The following TRIM54 variants were observed in gnomAD, a reference collection of about 807,000 sequenced individuals.
TRIM54 encodes the protein tripartite motif containing 54, also known as tripartite motif-containing protein 54.
TRIM54 carries 40 observed loss-of-function variants against 42.0 expected under a neutral mutation model. The ratio of observed to expected loss-of-function variants is 0.95; its 90% CI spans 0.74 to 1.24. TRIM54 has a LOEUF of 1.24. Ranked by LOEUF, TRIM54 falls within the 50% of genes most tolerant of loss-of-function variation. The pLI is 0.00. For synonymous variants in TRIM54, 199 were observed against 194.9 expected (o/e 1.02, Z -0.17); for missense variants, 485 against 480.3 (o/e 1.01, Z -0.09).
chr2:27,288,731 A>G (rs1475027493), intron 1 of TRIM54, among the ~76,000 whole-genome samples: 2 of 152,220 alleles, frequency 1.3e-5, no homozygotes, highest in East Asian at 1.9e-4. Flanking sequence ...TCCGTTTTAC[A>G]GAAGAGAACA....
intron 1 of TRIM54, among the ~76,000 whole-genome samples, chr2:27,290,502 C>T (rs1326561039): frequency 2.0e-5 from 3 of 152,096 alleles, no homozygotes; most frequent in Non-Finnish European, 4.4e-5. Flanking sequence ...CCCGTCTCTA[C>T]TAAAAATCAA....
At chr2:27,288,593 G>A (rs1678639495) in intron 1 of TRIM54, among the ~76,000 whole-genome samples, 1 of 152,188 alleles carries the variant, frequency 6.6e-6, no homozygotes, top group Admixed American at 6.5e-5. Flanking sequence ...GTGGTTCTGT[G>A]TGGTCATTTC....
chr2:27,302,343 C>A (rs566611962), intron 3 of TRIM54, among the ~76,000 whole-genome samples: 3 of 150,064 alleles, frequency 2.0e-5, no homozygotes, highest in African/African-American at 7.4e-5. Context: ...CCCAGCTACT[C>A]GGGAGGCTGA....
intron 1 of TRIM54, among the ~76,000 whole-genome samples, chr2:27,285,194 T>G (rs1035050383): frequency 3.9e-5 from 6 of 152,214 alleles, no homozygotes; most frequent in African/African-American, 1.4e-4. Flanking sequence ...GTTCTTCAGC[T>G]GCACTTAGAT....
In TRIM54 at chr2:27,306,469, G is replaced by A; in HGVS notation, c.1005G>A (p.Glu335=). ...CCTTGGGCTCAGGCGCTTCCGGGGA[G>A]GAAGAGGAGGTGGCCCCAGACGGAG... ...TIDFQPGASG[E]EEEVAPDGEE... The change falls in exon 8 of 9, where the codon GAG becomes GAA. Residue 335 remains glutamate (E), a synonymous_variant. Transcript: ENST00000380075. This position sits in a 1 kb window ranked among gnomAD's most constrained non-coding sequence, Gnocchi z 6.1. 6.3e-7 allele frequency: 1 copy of A among 1,594,092 alleles called. No individual in the cohort carries two copies. The highest frequency in any genetic ancestry group is 1.1e-5 in the South Asian group (1 of 89,024).
chr2:27,306,176 T>C lies in TRIM54; in HGVS notation c.867-37T>C, dbSNP rs1226657675. ...TGGCTGGGGTGGGGCTTGAGAGTGC[T>C]GGGGCATTGCCAGCTGAGTCCGTGT... On this transcript the variant is annotated intron_variant, in intron 6 of 8. Coordinates refer to ENST00000380075, the MANE Select transcript of TRIM54 (RefSeq NM_187841.3). This position sits in a 1 kb window ranked among gnomAD's most constrained non-coding sequence, Gnocchi z 6.1. 1 of 1,613,888 alleles carries C rather than the reference T, an allele frequency of 6.2e-7. No individual in the cohort carries two copies. The highest frequency in any genetic ancestry group is 8.5e-7 in the Non-Finnish European group (1 of 1,179,998).
At position 27,282,681 on chromosome 2, in the gene TRIM54, A is replaced by G. The variant is rs769682787; in HGVS notation, c.-51A>G. On this transcript the variant is annotated 5_prime_UTR_variant, in exon 1 of 9. Coordinates refer to ENST00000380075, the MANE Select transcript of TRIM54 (RefSeq NM_187841.3). ...TCTAAGCGAGGAAGGGTCTACAGGC[A>G]GTGAGTGAAGGCCAGGAGCAGGGCC... 3.2e-6 allele frequency: 5 copies of G among 1,568,588 alleles called. No homozygotes were observed. The East Asian group carries it at 1.1e-4, about 36-fold the overall frequency.
At chr2:27,287,077 G>A (rs1408877910) in intron 1 of TRIM54, among the ~76,000 whole-genome samples, 1 of 152,212 alleles carries the variant, frequency 6.6e-6, no homozygotes, top group Non-Finnish European at 1.5e-5. Context: ...CGAAAACCTA[G>A]ACTAAGGCTT....
intron 1 of TRIM54, among the ~76,000 whole-genome samples, chr2:27,283,763 G>GGCACACACGCACGCGCGC (rs1302528330): frequency 1.3e-4 from 14 of 103,838 alleles, no homozygotes; most frequent in Middle Eastern, 5.1e-3. Context: ...GAGGGGCAAA[G>GGCACACACGCACGCGCGC]GCACACACAC....
In TRIM54 at chr2:27,298,604, CTG is replaced by C; in HGVS notation, c.210_211del (p.Ser71PhefsTer13). The stretch of plus-strand genomic sequence containing the variant: ...CTATGGCAGTCCCGGGGCTCCACCA[CTG>C]TGTCTTCAGGAGGCCGTTTCCGCTG... On this transcript the variant is annotated frameshift_variant, in exon 2 of 9. Coordinates refer to ENST00000380075, the MANE Select transcript of TRIM54 (RefSeq NM_187841.3). LOFTEE classifies it high-confidence loss of function. The C allele has an allele frequency of 6.2e-7, 1 of 1,614,168 alleles. No individual in the cohort carries two copies. Among genetic ancestry groups the C allele is most frequent in the Non-Finnish European group, 8.5e-7 (1 of 1,180,016 alleles).
At chr2:27,283,226 A>G (rs1678437626) in intron 1 of TRIM54, among the ~76,000 whole-genome samples, 2 of 152,236 alleles carry the variant, frequency 1.3e-5, no homozygotes, top group South Asian at 4.1e-4. Flanking sequence ...CAGACTCTGC[A>G]TTCCAGTTTG....
rs1572526752 is a variant in TRIM54, at chr2:27,299,417, G to T, written c.513+1G>T. 1.2e-6 allele frequency: 2 copies of T among 1,613,284 alleles called. No homozygotes were observed. The highest frequency in any genetic ancestry group is 1.7e-6 in the Non-Finnish European group (2 of 1,179,702). ...GCCCACCATTTACAAACGCCAGAAG[G>T]TATCAAACAGGGGAGGGAGTAGATA... On this transcript the variant is annotated splice_donor_variant, in intron 3 of 8. Coordinates refer to ENST00000380075, the MANE Select transcript of TRIM54 (RefSeq NM_187841.3). LOFTEE classifies it high-confidence loss of function.
In TRIM54 at chr2:27,300,791, G is replaced by A. The variant is rs557856414; in HGVS notation, c.513+1375G>A. On this transcript the variant is annotated intron_variant, in intron 3 of 8. Transcript: ENST00000380075. Reference sequence around the variant, plus strand: ...TGAGGTGGGAGGATCACTTGAGCCCGGGAGGTTGAGGCTGCAGTGAGCCAT... The same window carrying A: ...TGAGGTGGGAGGATCACTTGAGCCCAGGAGGTTGAGGCTGCAGTGAGCCAT... 4.5e-4 allele frequency among the ~76,000 whole-genome samples: 69 copies of A among 152,148 alleles called. No individual in the cohort carries two copies. In the East Asian group the frequency reaches 4.8e-3, roughly 11 times the overall value.
At chr2:27,301,881 C>T (rs573991383) in intron 3 of TRIM54, among the ~76,000 whole-genome samples, 2 of 152,252 alleles carry the variant, frequency 1.3e-5, no homozygotes, top group African/African-American at 4.8e-5. Context: ...GCAGGCCGGG[C>T]GGTGGCTCAC....
chr2:27,301,056 C>T (rs989181022), intron 3 of TRIM54, among the ~76,000 whole-genome samples: 2 of 151,070 alleles, frequency 1.3e-5, no homozygotes, highest in Admixed American at 1.3e-4. Flanking sequence ...AAAGTGAAAG[C>T]AAGTTTATTA....
At chr2:27,284,026 A>G (rs1678487251) in intron 1 of TRIM54, among the ~76,000 whole-genome samples, 1 of 152,092 alleles carries the variant, frequency 6.6e-6, no homozygotes, top group African/African-American at 2.4e-5. Context: ...CCAGCTACTC[A>G]GGAGGCTGAG....
At chr2:27,295,857 A>C (rs572517465) in intron 1 of TRIM54, among the ~76,000 whole-genome samples, 13 of 152,344 alleles carry the variant, frequency 8.5e-5, no homozygotes, top group African/African-American at 2.9e-4. Flanking sequence ...TGGGTTCTAA[A>C]TATTGAAAAG....
intron 1 of TRIM54, among the ~76,000 whole-genome samples, chr2:27,291,956 G>C (rs1197851016): frequency 3.3e-5 from 5 of 152,156 alleles, no homozygotes; most frequent in African/African-American, 1.2e-4. Context: ...TGGGAAAGCA[G>C]AGGTGCAGCC....
rs905076442 is a variant in TRIM54 at position 27,299,122 on chromosome 2, G to A, written c.342-123G>A. On this transcript the variant is annotated intron_variant, in intron 2 of 8. Transcript: ENST00000380075. ...CAGAGCTCTGTGGAAGTACTCACCA[G>A]TTCAGCCACAGCACTAGCTGCAGGG... The A allele has an allele frequency of 2.6e-5, 29 of 1,132,382 alleles. No individual in the cohort carries two copies. The African/African-American group carries it at 4.1e-4, about 16-fold the overall frequency. The allele number at this position is 1,132,382 out of a possible 1,614,324, so 70.1% of individuals were successfully genotyped here.
Sources: allele counts gnomAD v4.1 joint callset (sites outside exome capture counted in the v4.1 genomes callset), GRCh38; gene constraint gnomAD v4.1.1; non-coding constraint Gnocchi (gnomAD v3.1); transcripts MANE v1.5; gene names NCBI Gene and HGNC (gene_info 2026-07-23, HGNC 2026-07-21).